Variants in SERTM1 observed in about 807,000 individuals in gnomAD.
SERTM1 encodes serine rich and transmembrane domain containing 1.
A neutral mutation model predicts 5.5 loss-of-function variants in SERTM1; 1 was observed. That is an observed-to-expected ratio of 0.18 (90% CI 0.06 to 0.86). The LOEUF (loss-of-function observed/expected upper bound fraction) is 0.86. SERTM1 is among the 40% of genes least tolerant of loss of function. The pLI is 0.69. For missense variants in SERTM1, 91 were observed against 122.4 expected (o/e 0.74, Z 1.21); for synonymous variants, 52 against 55.1 (o/e 0.94, Z 0.25).
At chr13:36,687,191 C>T (rs936865432) in intron 1 of SERTM1, among the ~76,000 whole-genome samples, 29 of 152,132 alleles carry the variant, frequency 1.9e-4, no homozygotes, top group African/African-American at 6.5e-4. Flanking sequence ...CATTAATTCA[C>T]GGAAATGTGA....
chr13:36,687,472 G>A (rs759990524), intron 1 of SERTM1, among the ~76,000 whole-genome samples: 1 of 152,014 alleles, frequency 6.6e-6, no homozygotes, highest in East Asian at 1.9e-4. Flanking sequence ...ATTACATTAA[G>A]GGGAAAAGTA....
chr13:36,676,999 G>A (rs935092422), intron 1 of SERTM1, among the ~76,000 whole-genome samples: 2 of 152,062 alleles, frequency 1.3e-5, no homozygotes, highest in Non-Finnish European at 2.9e-5. Context: ...TAGAATTCAG[G>A]AAGTCCATCT....
chr13:36,695,116 G>C lies in SERTM1; in HGVS notation c.38G>C (p.Ser13Thr). 6.2e-7 allele frequency: 1 copy of C among 1,614,134 alleles called. No individual in the cohort carries two copies. The highest frequency in any genetic ancestry group is 1.1e-5 in the South Asian group (1 of 91,060). ...GACACTTCCTCAGGATTTTCGGGAA[G>C]TGTGGAGAATGGAACTTTTCTTGAG... ...EPDTSSGFSGSVENGTFLELF... is the reference protein window; with the variant it reads ...EPDTSSGFSGTVENGTFLELF... The change falls in exon 2 of 2, where the codon AGT becomes ACT. Residue 13 changes from serine (S) to threonine (T), a missense_variant. By Grantham distance (58) the Ser-to-Thr change is moderately conservative. Coordinates refer to ENST00000315190, the MANE Select transcript of SERTM1 (RefSeq NM_203451.3).
In SERTM1 at chr13:36,675,079, G is replaced by A. The variant is rs183726461; in HGVS notation, c.-174+895G>A. ...ACCAGGATTGGGGCTATGCCTGCCC[G>A]CTTTCCTCCACCAGATGCCCGGGCT... is the stretch of plus-strand genomic sequence containing the variant. On this transcript the variant is annotated intron_variant, in intron 1 of 1. Transcript: ENST00000315190. Among the ~76,000 whole-genome samples, 12 of 152,306 alleles carry A rather than the reference G, an allele frequency of 7.9e-5. No homozygotes were observed. In the East Asian group the frequency reaches 1.7e-3, roughly 22 times the overall value.
intron 1 of SERTM1, among the ~76,000 whole-genome samples, chr13:36,688,302 C>T (rs2056755641): frequency 6.6e-6 from 1 of 151,950 alleles, no homozygotes; most frequent in South Asian, 2.1e-4. Flanking sequence ...TAGCCTTGAC[C>T]TCCCAGGCTC....
chr13:36,677,439 G>A (rs1464861246), intron 1 of SERTM1, among the ~76,000 whole-genome samples: 2 of 152,134 alleles, frequency 1.3e-5, no homozygotes, highest in African/African-American at 4.8e-5. Flanking sequence ...AAATTAGTCA[G>A]TCTAGGTCTA....
At chr13:36,686,790 A>G (rs1001336934) in intron 1 of SERTM1, among the ~76,000 whole-genome samples, 2 of 152,168 alleles carry the variant, frequency 1.3e-5, no homozygotes, top group Non-Finnish European at 2.9e-5. Context: ...TGGTTTTTTT[A>G]ATTGATCCAA....
rs1196592251 is a variant in SERTM1 at position 36,696,218 on chromosome 13, G to C, written c.*816G>C. On this transcript the variant is annotated 3_prime_UTR_variant, in exon 2 of 2. Transcript: ENST00000315190. ...GTTTTTATATGAATAATTTCTATCAGTGAGAATTAAGCATATGGAAAATAT... is the reference window on the plus strand; with the variant it reads ...GTTTTTATATGAATAATTTCTATCACTGAGAATTAAGCATATGGAAAATAT... 6.0e-6 allele frequency: 1 copy of C among 166,884 alleles called. No individual in the cohort carries two copies. The highest frequency in any genetic ancestry group is 1.5e-5 in the Non-Finnish European group (1 of 68,132). 10.3% of individuals were successfully genotyped at this position (166,884 alleles called of 1,614,324 possible).
chr13:36,697,800 G>A lies in SERTM1; in HGVS notation c.*2398G>A, dbSNP rs953058185. 6.0e-6 allele frequency: 1 copy of A among 167,012 alleles called. No homozygotes were observed. Among genetic ancestry groups the A allele is most frequent in the Non-Finnish European group, 1.5e-5 (1 of 68,108 alleles). 10.3% of individuals were successfully genotyped at this position (167,012 alleles called of 1,614,324 possible). A position where few individuals can be genotyped will look rare whatever the true frequency, so the allele number is the denominator to read the frequency against. ...TTGTTTAAGAAGTTCAGAAAGGTTGGAAGATGGGTTTATAAATAAAGAAGT... is the reference window on the plus strand; with the variant it reads ...TTGTTTAAGAAGTTCAGAAAGGTTGAAAGATGGGTTTATAAATAAAGAAGT... On this transcript the variant is annotated 3_prime_UTR_variant, in exon 2 of 2. Coordinates refer to ENST00000315190, the MANE Select transcript of SERTM1 (RefSeq NM_203451.3).
In SERTM1 at chr13:36,681,557, A is replaced by T. The variant is rs898136871; in HGVS notation, c.-174+7373A>T. Among the ~76,000 whole-genome samples, 5 of 152,330 alleles carry T rather than the reference A, an allele frequency of 3.3e-5. 1 individual carries two copies. The highest frequency in any genetic ancestry group is 6.5e-5 in the Admixed American group (1 of 15,300). On this transcript the variant is annotated intron_variant, in intron 1 of 1. Coordinates refer to ENST00000315190, the MANE Select transcript of SERTM1 (RefSeq NM_203451.3). ...GTAGCTAACAATCCTATGGTATGTG[A>T]TATTCCTGAATGTAGTGAATTATAA... is the stretch of plus-strand genomic sequence containing the variant.
At chr13:36,674,722 C>T (rs1478804579) in intron 1 of SERTM1, among the ~76,000 whole-genome samples, 1 of 152,130 alleles carries the variant, frequency 6.6e-6, no homozygotes, top group Non-Finnish European at 1.5e-5. Flanking sequence ...ACTCGCCATG[C>T]GCACACTGAC....
At chr13:36,684,024 G>A (rs372552959) in intron 1 of SERTM1, among the ~76,000 whole-genome samples, 27 of 152,302 alleles carry the variant, frequency 1.8e-4, no homozygotes, top group East Asian at 5.8e-4. Flanking sequence ...CTTGTGGGGC[G>A]CAGTGGCTTA....
At chr13:36,677,595 T>A (rs2056678318) in intron 1 of SERTM1, among the ~76,000 whole-genome samples, 1 of 152,206 alleles carries the variant, frequency 6.6e-6, no homozygotes, top group South Asian at 2.1e-4. Context: ...GATAGGTGGC[T>A]ATAAGAATCA....
chr13:36,694,394 T>C (rs2138101099), intron 1 of SERTM1, among the ~76,000 whole-genome samples: 1 of 152,348 alleles, frequency 6.6e-6, no homozygotes, highest in South Asian at 2.1e-4. Flanking sequence ...TGGCACCTGA[T>C]TTCAAGGAGA....
At chr13:36,677,374 A>G (rs954909024) in intron 1 of SERTM1, among the ~76,000 whole-genome samples, 1 of 152,112 alleles carries the variant, frequency 6.6e-6, no homozygotes, top group Non-Finnish European at 1.5e-5. Context: ...CATCACTAAT[A>G]TTTTCTGAGT....
In SERTM1 at chr13:36,695,876, G is replaced by A. The variant is rs1375704898; in HGVS notation, c.*474G>A. On this transcript the variant is annotated 3_prime_UTR_variant, in exon 2 of 2. Coordinates refer to ENST00000315190, the MANE Select transcript of SERTM1 (RefSeq NM_203451.3). ...GACACCAAACTTAAAAAGGAAGAGA[G>A]TCAATTTAGATTTAATGTATGACAT... The A allele has an allele frequency of 2.4e-5, 4 of 168,744 alleles. No homozygotes were observed. Among genetic ancestry groups the A allele is most frequent in the African/African-American group, 9.6e-5 (4 of 41,486 alleles). The allele number at this position is 168,744 out of a possible 1,614,324, so 10.5% of individuals were successfully genotyped here. A position where few individuals can be genotyped will look rare whatever the true frequency, so the allele number is the denominator to read the frequency against.
intron 1 of SERTM1, among the ~76,000 whole-genome samples, chr13:36,675,391 C>T (rs535206949): frequency 6.6e-6 from 1 of 152,274 alleles, no homozygotes; most frequent in Admixed American, 6.5e-5. Flanking sequence ...GGTGCCTTCT[C>T]CTAGGTGCTT....
At chr13:36,679,659 G>A (rs2138084887) in intron 1 of SERTM1, among the ~76,000 whole-genome samples, 2 of 152,226 alleles carry the variant, frequency 1.3e-5, no homozygotes, top group Admixed American at 1.3e-4. Flanking sequence ...CACCCGCCTT[G>A]GCCTCCCAAA....
At chr13:36,677,163 T>C (rs2056675082) in intron 1 of SERTM1, among the ~76,000 whole-genome samples, 1 of 152,072 alleles carries the variant, frequency 6.6e-6, no homozygotes, top group Non-Finnish European at 1.5e-5. Flanking sequence ...CCTTCACGAG[T>C]TCCTTATGGA....
Sources: allele counts gnomAD v4.1 joint callset (sites outside exome capture counted in the v4.1 genomes callset), GRCh38; gene constraint gnomAD v4.1.1; transcripts MANE v1.5; gene names NCBI Gene and HGNC (gene_info 2026-07-23, HGNC 2026-07-21).